Variants in PCNX2 observed in about 807,000 individuals in gnomAD.
PCNX2 encodes pecanex-like protein 2.
PCNX2 carries 168 observed loss-of-function variants against 223.8 expected under a neutral mutation model. The ratio of observed to expected loss-of-function variants is 0.75; its 90% CI spans 0.66 to 0.85. The LOEUF is 0.85. PCNX2 is among the 40% of genes least tolerant of loss of function. The pLI, the probability that PCNX2 is intolerant of heterozygous loss-of-function variation, is 0.00. For synonymous variants in PCNX2, 1,006 were observed against 1,052.6 expected, an observed-to-expected ratio of 0.96 and a Z score of 0.86; for missense variants, 2,507 against 2,675.5, an observed-to-expected ratio of 0.94 and a Z score of 1.39.
chr1:233,057,341 A>G (rs923901959), intron 23 of PCNX2, 51 bp from the exon 24 acceptor site: 3 of 1,443,740 alleles, frequency 2.1e-6, no homozygotes, highest in Non-Finnish European at 2.9e-6. Context: ...CCCCCCAAGC[A>G]GAAGAGTTGG....
At chr1:233,084,303 C>T (rs998395544) in intron 23 of PCNX2, among the ~76,000 whole-genome samples, 7 of 152,194 alleles carry the variant, frequency 4.6e-5, no homozygotes, top group African/African-American at 1.4e-4. Context: ...CTGAGAAAGG[C>T]AGGTCCAAGG....
intron 15 of PCNX2, among the ~76,000 whole-genome samples, chr1:233,190,360 T>G (rs1680351150): frequency 6.6e-6 from 1 of 152,192 alleles, no homozygotes; most frequent in South Asian, 2.1e-4. Context: ...AGGACCCTCT[T>G]GACAATTTGC....
chr1:233,009,595 T>G (rs895164083), intron 28 of PCNX2, among the ~76,000 whole-genome samples: 7 of 152,242 alleles, frequency 4.6e-5, no homozygotes, highest in African/African-American at 1.7e-4. Context: ...TATTGTCTGG[T>G]GCAAAATCCT....
chr1:232,984,442 G>C lies in PCNX2; in HGVS notation c.6276C>G (p.Thr2092=), dbSNP rs768587577. The C allele has an allele frequency of 6.2e-7, 1 of 1,613,460 alleles. No individual in the cohort carries two copies. Among genetic ancestry groups the C allele is most frequent in the Non-Finnish European group, 8.5e-7 (1 of 1,179,786 alleles). Reference sequence around the variant, plus strand: ...ATCGGTCATGAAGCTGCCCCTGCTCGGTGGCATCAGGGGGCTCACATGGCT... The same window carrying C: ...ATCGGTCATGAAGCTGCCCCTGCTCCGTGGCATCAGGGGGCTCACATGGCT... ...LSEPCEPPDA[T]EQGQLHDRCL... Residue 2092 remains threonine, a synonymous_variant, in exon 34 of 34, where the codon ACC becomes ACG. Transcript: ENST00000258229.
intron 19 of PCNX2, among the ~76,000 whole-genome samples, chr1:233,142,904 T>A (rs916262142): frequency 6.6e-6 from 1 of 152,088 alleles, no homozygotes; most frequent in Non-Finnish European, 1.5e-5. Flanking sequence ...CTTCTCCCAT[T>A]TCCTCTGTCA....
At chr1:233,112,863 G>C in intron 21 of PCNX2, 1 of 1,288,440 alleles carries the variant, frequency 7.8e-7, no homozygotes, top group East Asian at 5.6e-5. Flanking sequence ...CTGAAGGGCA[G>C]AGGAGTTACT....
the PCNX2 span, among the ~76,000 whole-genome samples, chr1:233,327,155 A>ACACCCT: frequency 6.6e-6 from 1 of 152,086 alleles, no homozygotes; most frequent in African/African-American, 2.4e-5. Flanking sequence ...TCTCCCCGCC[A>ACACCCT]CACCCTAAAG....
chr1:233,309,588 C>T, the PCNX2 span, among the ~76,000 whole-genome samples: 1 of 149,024 alleles, frequency 6.7e-6, no homozygotes, highest in African/African-American at 2.5e-5. Context: ...ATATACAAAA[C>T]TTAATTTAGC....
upstream of PCNX2, among the ~76,000 whole-genome samples, chr1:233,296,702 C>T (rs1468650452): frequency 6.6e-6 from 1 of 152,162 alleles, no homozygotes; most frequent in Non-Finnish European, 1.5e-5. Context: ...CACGCCTTCC[C>T]TGCATCATCC....
At chr1:233,294,270 T>C (rs1373759071) in intron 1 of PCNX2, among the ~76,000 whole-genome samples, 1 of 152,218 alleles carries the variant, frequency 6.6e-6, no homozygotes, top group Admixed American at 6.5e-5. Context: ...AATCTGGTAC[T>C]ATTACTTTTT....
intron 1 of PCNX2, among the ~76,000 whole-genome samples, chr1:233,277,793 C>T (rs912679907): frequency 2.0e-5 from 3 of 151,950 alleles, no homozygotes; most frequent in East Asian, 1.9e-4. Context: ...GAAGTCAACA[C>T]GGTGCCTTGA....
At position 233,134,927 on chromosome 1, in the gene PCNX2, A is replaced by C. The variant is rs746986300; in HGVS notation, c.3837+86T>G. 48 of 1,176,180 alleles carry C rather than the reference A, an allele frequency of 4.1e-5. No homozygotes were observed. In the East Asian group the frequency reaches 1.2e-3, roughly 28 times the overall value. The allele number at this position is 1,176,180 out of a possible 1,614,324, so 72.9% of individuals were successfully genotyped here. On this transcript the variant is annotated intron_variant, in intron 21 of 33. Coordinates refer to ENST00000258229, the MANE Select transcript of PCNX2 (RefSeq NM_014801.4). ...ATATCCTCCCATAATTTTTTTTATAAAGAATAAGTTTTAAACTCTTAAAAC... is the reference window on the plus strand; with the variant it reads ...ATATCCTCCCATAATTTTTTTTATACAGAATAAGTTTTAAACTCTTAAAAC...
At chr1:233,296,475 A>G (rs1294995407), upstream of PCNX2, among the ~76,000 whole-genome samples, 2 of 152,156 alleles carry the variant, frequency 1.3e-5, no homozygotes, top group Non-Finnish European at 2.9e-5. Context: ...TATGCTGTTT[A>G]GACAGGAAGA....
chr1:233,054,432 G>T lies in PCNX2; in HGVS notation c.4187C>A (p.Thr1396Asn), dbSNP rs1672115726. Residue 1396 changes from threonine (T) to asparagine (N), a missense_variant, in exon 25 of 34, where the codon ACC (threonine) becomes AAC (asparagine). By Grantham distance (65) the Thr-to-Asn change is moderately conservative (BLOSUM62 0). Transcript: ENST00000258229. ...NSIFYEHLTR[T>N]LQESLCGDLV... ...GTCTCCACAGAGGGACTCCTGGAGG[G>T]TCCTTGTCAAGTGTTCATAAAAAAT... is the stretch of plus-strand genomic sequence containing the variant. 2.5e-6 allele frequency: 4 copies of T among 1,613,812 alleles called. No homozygotes were observed. The highest frequency in any genetic ancestry group is 3.4e-6 in the Non-Finnish European group (4 of 1,179,782).
At chr1:233,080,278 T>C (rs1385172355) in intron 23 of PCNX2, among the ~76,000 whole-genome samples, 1 of 152,074 alleles carries the variant, frequency 6.6e-6, no homozygotes, top group Non-Finnish European at 1.5e-5. Flanking sequence ...AGTTGGTCCA[T>C]ATTCCTACTT....
At chr1:233,007,409 G>A (rs1670322492) in intron 28 of PCNX2, among the ~76,000 whole-genome samples, 1 of 152,140 alleles carries the variant, frequency 6.6e-6, no homozygotes, top group South Asian at 2.1e-4. Flanking sequence ...ATGGGTGGGA[G>A]CAAATACTCA....
chr1:233,241,551 T>C (rs148297776), intron 8 of PCNX2, among the ~76,000 whole-genome samples: 239 of 152,292 alleles, frequency 1.6e-3, no homozygotes, highest in African/African-American at 5.5e-3. Flanking sequence ...TATTCCAAGG[T>C]AGACCCAGGT....
chr1:233,217,397 G>A (rs1351833967), intron 12 of PCNX2, among the ~76,000 whole-genome samples: 1 of 151,948 alleles, frequency 6.6e-6, no homozygotes, highest in Non-Finnish European at 1.5e-5. Context: ...AATAATAAGA[G>A]CTAACCTTTA....
chr1:232,984,347 A>G lies in PCNX2; in HGVS notation c.6371T>C (p.Leu2124Pro), dbSNP rs1011766116. The G allele has an allele frequency of 3.7e-6, 6 of 1,613,052 alleles. No homozygotes were observed. Among genetic ancestry groups the G allele is most frequent in the Middle Eastern group, 1.7e-4 (1 of 5,928 alleles). ...ACTTTGCTGCGAGGCCGTGTCGTCC[A>G]GGCCCATGTCCTCCTGGCTTGCTCT... is the stretch of plus-strand genomic sequence containing the variant. The part of the protein sequence containing the change: ...CRRASQEDMG[L>P]DDTASQQSVS... Residue 2124 changes from leucine to proline, a missense_variant, in exon 34 of 34, where the codon CTG (leucine) becomes CCG (proline). Transcript: ENST00000258229.
Sources: allele counts gnomAD v4.1 joint callset (sites outside exome capture counted in the v4.1 genomes callset), GRCh38; gene constraint gnomAD v4.1.1; transcripts MANE v1.5; gene names NCBI Gene and HGNC (gene_info 2026-07-23, HGNC 2026-07-21).